PDS5B: variants seen among roughly 807,000 people sequenced by gnomAD.
The protein encoded by PDS5B is PDS5 cohesin associated factor B, also known as sister chromatid cohesion protein PDS5 homolog B.
PDS5B carries 51 observed loss-of-function variants against 184.1 expected under a neutral mutation model. That is an observed-to-expected ratio of 0.28 (90% CI 0.22 to 0.35). The LOEUF (loss-of-function observed/expected upper bound fraction) is 0.35. PDS5B is among the 10% of genes least tolerant of loss of function. The pLI is 1.00. For missense variants in PDS5B, 1,180 were observed against 1,723.3 expected, an observed-to-expected ratio of 0.68 and a Z score of 5.58; for synonymous variants, 566 against 569.2, an observed-to-expected ratio of 0.99 and a Z score of 0.08.
intron 6 of PDS5B, among the ~76,000 whole-genome samples, chr13:32,666,982 A>G (rs572007415): frequency 6.6e-6 from 1 of 152,212 alleles, no homozygotes. Flanking sequence ...TGAATAGGAC[A>G]ATCAGTAAAG....
At chr13:32,634,828 G>A (rs540379629) in intron 1 of PDS5B, among the ~76,000 whole-genome samples, 55 of 152,128 alleles carry the variant, frequency 3.6e-4, no homozygotes, top group African/African-American at 1.2e-3. Flanking sequence ...TGATCCACCC[G>A]CCTCGGCCTC....
intron 1 of PDS5B, among the ~76,000 whole-genome samples, chr13:32,600,464 C>T (rs1346252695): frequency 1.3e-5 from 2 of 152,294 alleles, no homozygotes; most frequent in African/African-American, 2.4e-5. Flanking sequence ...GTTGGCCAGG[C>T]GTGGTGGCTC....
At chr13:32,611,812 A>G (rs375283711) in intron 1 of PDS5B, among the ~76,000 whole-genome samples, 48 of 151,992 alleles carry the variant, frequency 3.2e-4, no homozygotes, top group African/African-American at 1.1e-3. Context: ...CCTGGTTCTC[A>G]CTGCCCCCGC....
At chr13:32,695,774 A>T (rs894053398) in intron 14 of PDS5B, among the ~76,000 whole-genome samples, 6 of 152,028 alleles carry the variant, frequency 3.9e-5, no homozygotes, top group Admixed American at 2.0e-4. Context: ...TGTTGTTAAA[A>T]ATTGGGAGGG....
intron 16 of PDS5B, among the ~76,000 whole-genome samples, chr13:32,700,617 T>C (rs995668483): frequency 2.0e-5 from 3 of 152,136 alleles, no homozygotes; most frequent in African/African-American, 7.2e-5. Context: ...TTTGTGAGTT[T>C]GTCATATGGC....
At chr13:32,591,520 A>T (rs1277751158) in intron 1 of PDS5B, among the ~76,000 whole-genome samples, 1 of 152,202 alleles carries the variant, frequency 6.6e-6, no homozygotes, top group African/African-American at 2.4e-5. Flanking sequence ...AATAATAAGA[A>T]TATTTTATTA....
Position 32,707,058 on chromosome 13 carries a change from T to G in PDS5B, c.1962+19T>G, listed in dbSNP as rs1363638827. 1 of 1,320,198 alleles carries G rather than the reference T, an allele frequency of 7.6e-7. No individual in the cohort carries two copies. Among genetic ancestry groups the G allele is most frequent in the South Asian group, 1.3e-5 (1 of 76,082 alleles). The allele number at this position is 1,320,198 out of a possible 1,614,324, so 81.8% of individuals were successfully genotyped here. A position where few individuals can be genotyped will look rare whatever the true frequency, so the allele number is the denominator to read the frequency against. ...GCTTAAGGTAAGTATCTATTTAAAATTAAGTGCCTAATTAGATATCTGTTT... is the reference window on the plus strand; with the variant it reads ...GCTTAAGGTAAGTATCTATTTAAAAGTAAGTGCCTAATTAGATATCTGTTT... On this transcript the variant is annotated intron_variant, in intron 18 of 34. Coordinates refer to ENST00000315596, the MANE Select transcript of PDS5B (RefSeq NM_015032.4).
At chr13:32,639,395 T>G (rs1276731402) in intron 1 of PDS5B, among the ~76,000 whole-genome samples, 1 of 152,166 alleles carries the variant, frequency 6.6e-6, no homozygotes, top group East Asian at 1.9e-4. Context: ...ACCGTCACTG[T>G]TTTACCAGAA....
At chr13:32,760,297 T>TATTA (rs1415226332) in intron 29 of PDS5B, among the ~76,000 whole-genome samples, 1 of 152,218 alleles carries the variant, frequency 6.6e-6, no homozygotes, top group African/African-American at 2.4e-5. Flanking sequence ...AGAGTCTAAT[T>TATTA]ATCTATTTTC....
Position 32,755,450 on chromosome 13 carries a change from AAG to A in PDS5B, c.2942-387_2942-386del, listed in dbSNP as rs2141003169. ...TTACTTATTTTGCTCAGCAGCTTAC[AAG>A]AGAGTGTTAAACATAGGGTCATTTC... On this transcript the variant is annotated intron_variant, in intron 25 of 34. Transcript: ENST00000315596. 2.0e-5 allele frequency among the ~76,000 whole-genome samples: 3 copies of A among 152,258 alleles called. No homozygotes were observed. The South Asian group carries it at 6.2e-4, about 32-fold the overall frequency.
intron 15 of PDS5B, among the ~76,000 whole-genome samples, chr13:32,698,739 G>A (rs1490529031): frequency 6.6e-6 from 1 of 151,048 alleles, no homozygotes; most frequent in East Asian, 1.9e-4. Flanking sequence ...CTACTATTTC[G>A]ATAGTCCACA....
Position 32,659,233 on chromosome 13 carries a change from CA to C in PDS5B, c.578del (p.Gln193ArgfsTer8). On this transcript the variant is annotated frameshift_variant, in exon 6 of 35. Coordinates refer to ENST00000315596, the MANE Select transcript of PDS5B (RefSeq NM_015032.4). LOFTEE classifies it high-confidence loss of function. ...TATTTGTGAAGGTGATACAGTGTCT[CA>C]GGAGCTTTTGGATACGGTTTTAGTA... ...SIICEGDTVS[Q>X]ELLDTVLVNL... 2 of 1,597,820 alleles carry C rather than the reference CA, an allele frequency of 1.3e-6. No individual in the cohort carries two copies. The highest frequency in any genetic ancestry group is 1.1e-5 in the South Asian group (1 of 88,018).
At chr13:32,706,003 C>T (rs775800422) in intron 17 of PDS5B, among the ~76,000 whole-genome samples, 2 of 152,104 alleles carry the variant, frequency 1.3e-5, no homozygotes, top group South Asian at 2.1e-4. Context: ...CTTGGCCGGG[C>T]GTGGTGGCTC....
intron 1 of PDS5B, among the ~76,000 whole-genome samples, chr13:32,612,545 A>G (rs1810152153): frequency 1.3e-5 from 2 of 152,182 alleles, no homozygotes; most frequent in African/African-American, 4.8e-5. Flanking sequence ...CCTCTTAGCC[A>G]ATGCCGTCTG....
chr13:32,655,459 A>T (rs1233530196), intron 3 of PDS5B, among the ~76,000 whole-genome samples: 2 of 143,402 alleles, frequency 1.4e-5, no homozygotes, highest in South Asian at 4.5e-4. Flanking sequence ...GCTCACTGCA[A>T]CCTCCGTTTC....
At chr13:32,764,973 CTTTCA>C (rs1182219482) in intron 31 of PDS5B, among the ~76,000 whole-genome samples, 3 of 152,032 alleles carry the variant, frequency 2.0e-5, no homozygotes, top group African/African-American at 7.2e-5. Context: ...CTTAAAACTT[CTTTCA>C]TTTAATTTAT....
chr13:32,690,229 C>T (rs1951510333), intron 13 of PDS5B: 1 of 152,160 alleles, frequency 6.6e-6, no homozygotes, highest in Non-Finnish European at 1.5e-5. Flanking sequence ...CACTGCAGTA[C>T]TATGTGAGAT....
rs1952678996 is a variant in PDS5B at position 32,721,328 on chromosome 13, GGGGCGGCTGCCGGGCGAGGGCT to G, written c.2124-10772_2124-10751del. Among the ~76,000 whole-genome samples the G allele has an allele frequency of 2.0e-5, 3 of 152,058 alleles. No homozygotes were observed. The East Asian group carries it at 5.8e-4, about 30-fold the overall frequency. ...CGGGGGAACCCCCCACCTCCCAGAC[GGGGCGGCTGCCGGGCGAGGGCT>G]CCCCCCACCTCCCAGACGGGGTGGC... On this transcript the variant is annotated intron_variant, in intron 19 of 34. Coordinates refer to ENST00000315596, the MANE Select transcript of PDS5B (RefSeq NM_015032.4).
intron 16 of PDS5B, chr13:32,701,102 G>A: frequency 2.8e-6 from 1 of 359,886 alleles, no homozygotes; most frequent in South Asian, 4.4e-5. Flanking sequence ...TTTCAATACA[G>A]TGTATTGACT....
Sources: gnomAD v4.1 joint callset for allele counts (sites outside exome capture counted in the v4.1 genomes callset) on GRCh38, gnomAD v4.1.1 for gene constraint, MANE v1.5 for transcripts, NCBI Gene and HGNC (gene_info 2026-07-23, HGNC 2026-07-21) for gene names.